Variants in TPX2 observed in about 807,000 individuals in gnomAD.
TPX2 encodes targeting protein for Xklp2.
In TPX2, 21 loss-of-function variants were observed where a neutral mutation model predicts 93.6. The observed-to-expected ratio is 0.22, with a 90% CI of 0.16 to 0.32. The LOEUF (loss-of-function observed/expected upper bound fraction) is 0.32, where lower values mean the gene tolerates loss of function less well. Ranked by LOEUF, TPX2 falls within the 10% of genes least tolerant of loss-of-function variation. The pLI is 1.00. For missense variants in TPX2, 776 were observed against 871.1 expected (o/e 0.89, Z 1.37); for synonymous variants, 281 against 298.3 (o/e 0.94, Z 0.60).
intron 5 of TPX2, among the ~76,000 whole-genome samples, chr20:31,768,467 A>C (rs1265283028): frequency 6.8e-6 from 1 of 146,174 alleles, no homozygotes; most frequent in South Asian, 2.2e-4. Flanking sequence ...GGATGGTCTC[A>C]ATCTCCTGAC....
At position 31,751,963 on chromosome 20, in the gene TPX2, G is replaced by A. The variant is rs561465597; in HGVS notation, c.-70-5444G>A. Among the ~76,000 whole-genome samples, 11 of 152,220 alleles carry A rather than the reference G, an allele frequency of 7.2e-5. No individual in the cohort carries two copies. In the South Asian group the frequency reaches 2.3e-3, roughly 32 times the overall value. The stretch of plus-strand genomic sequence containing the variant: ...TCACCATGTTGGTGAGGCTGGTCTC[G>A]AACTCCTGACCTCAGGTGATCCGCC... On this transcript the variant is annotated intron_variant, in intron 2 of 17. Transcript: ENST00000300403.
In TPX2 at chr20:31,801,098, G is replaced by A. The variant is rs776141843; in HGVS notation, c.*18G>A. The A allele has an allele frequency of 1.5e-5, 24 of 1,609,806 alleles. No individual in the cohort carries two copies. The highest frequency in any genetic ancestry group is 1.6e-4 in the Middle Eastern group (1 of 6,082). On this transcript the variant is annotated 3_prime_UTR_variant, in exon 18 of 18. Transcript: ENST00000300403. ...ACTGCTAAACTCAGCTGTGAGCTGCGGATACCGCCCGGCAATGGGACCTGC... is the reference window on the plus strand; with the variant it reads ...ACTGCTAAACTCAGCTGTGAGCTGCAGATACCGCCCGGCAATGGGACCTGC...
At position 31,760,239 on chromosome 20, in the gene TPX2, C is replaced by A; in HGVS notation, c.229+60C>A. Reference sequence around the variant, plus strand: ...GAATGGTGGGACAGTGTTTTAGAAGCCTGAGGTTCTGGGAAAATTACCTAA... The same window carrying A: ...GAATGGTGGGACAGTGTTTTAGAAGACTGAGGTTCTGGGAAAATTACCTAA... On this transcript the variant is annotated intron_variant, in intron 4 of 17. Coordinates refer to ENST00000300403, the MANE Select transcript of TPX2 (RefSeq NM_012112.5). The A allele has an allele frequency of 8.8e-6, 14 of 1,592,880 alleles. No homozygotes were observed. In the South Asian group the frequency reaches 1.6e-4, roughly 18 times the overall value.
Position 31,760,097 on chromosome 20 carries a change from T to A in TPX2, c.147T>A (p.Asn49Lys). The change falls in exon 4 of 18, where the codon AAT becomes AAA. Residue 49 changes from asparagine (N) to lysine (K), a missense_variant. Coordinates refer to ENST00000300403, the MANE Select transcript of TPX2 (RefSeq NM_012112.5). Reference sequence around the variant, plus strand: ...TGGAGAATAAGTTACTGGGGAAGAATGGAACTGGAGGGCTTTTTCAGGGCA... The same window carrying A: ...TGGAGAATAAGTTACTGGGGAAGAAAGGAACTGGAGGGCTTTTTCAGGGCA... ...ANLENKLLGKNGTGGLFQGKT... is the reference protein window; with the variant it reads ...ANLENKLLGKKGTGGLFQGKT... 1 of 1,613,922 alleles carries A rather than the reference T, an allele frequency of 6.2e-7. No individual in the cohort carries two copies. Among genetic ancestry groups the A allele is most frequent in the Non-Finnish European group, 8.5e-7 (1 of 1,179,956 alleles).
chr20:31,739,693 C>T (rs878999706), intron 1 of TPX2, 72 bp downstream of exon 1: 1 of 152,222 alleles, frequency 6.6e-6, no homozygotes, highest in Admixed American at 6.5e-5. Flanking sequence ...CCTGCATGCC[C>T]GTTCTCATTT....
chr20:31,782,058 C>T (rs1403933865), intron 10 of TPX2, among the ~76,000 whole-genome samples, 191 bp from the exon 11 acceptor site: 1 of 152,120 alleles, frequency 6.6e-6, no homozygotes, highest in African/African-American at 2.4e-5. Context: ...AGTCATACCC[C>T]TCAATAAAAG....
intron 17 of TPX2, 147 bp from the exon 18 acceptor site, chr20:31,800,823 C>T (rs1001130134): frequency 5.9e-6 from 4 of 679,072 alleles, no homozygotes; most frequent in Non-Finnish European, 1.0e-5. Context: ...ACCGTGTTGC[C>T]CCCCAGGCCC....
In TPX2 at chr20:31,797,544, C is replaced by T. The variant is rs374307380; in HGVS notation, c.1945+29C>T. On this transcript the variant is annotated intron_variant, in intron 16 of 17. Transcript: ENST00000300403. ...GTATTATATGTACTCTGATGGGACTCGGGCAGAATTGTCAGACTTCCCAGT... is the reference window on the plus strand; with the variant it reads ...GTATTATATGTACTCTGATGGGACTTGGGCAGAATTGTCAGACTTCCCAGT... The T allele has an allele frequency of 2.9e-5, 47 of 1,595,246 alleles. No individual in the cohort carries two copies. In the East Asian group the frequency reaches 4.5e-4, roughly 15 times the overall value.
intron 12 of TPX2, among the ~76,000 whole-genome samples, chr20:31,792,112 G>A (rs542931901): frequency 1.3e-5 from 2 of 152,298 alleles, no homozygotes; most frequent in Admixed American, 1.3e-4. Flanking sequence ...TATAAGGCTG[G>A]GTACAGTGGT....
chr20:31,797,652 C>A, intron 16 of TPX2, 137 bp downstream of exon 16: 1 of 754,512 alleles, frequency 1.3e-6, no homozygotes, highest in Non-Finnish European at 2.1e-6. Context: ...TTTTCTTCCC[C>A]TAGACCCAGT....
intron 4 of TPX2, among the ~76,000 whole-genome samples, chr20:31,760,842 G>A (rs2061885397): frequency 6.6e-6 from 1 of 152,124 alleles, no homozygotes. Context: ...TCGCTTCTCG[G>A]CCTTTTGGCT....
intron 2 of TPX2, among the ~76,000 whole-genome samples, chr20:31,746,475 C>G (rs1042338055): frequency 2.6e-5 from 4 of 152,158 alleles, no homozygotes; most frequent in Non-Finnish European, 4.4e-5. Flanking sequence ...TGGGATGGGA[C>G]CATCTTAACT....
chr20:31,766,795 C>CTTTTT (rs11299452), intron 5 of TPX2, 113 bp downstream of exon 5: 24 of 450,858 alleles, frequency 5.3e-5, no homozygotes, highest in African/African-American at 2.1e-4. Context: ...CTTTATGTTA[C>CTTTTT]TTTTTTTTTT....
chr20:31,793,455 T>TTGGGTTTGGCAATCCTATTC (rs2062115726), intron 13 of TPX2, among the ~76,000 whole-genome samples: 1 of 152,160 alleles, frequency 6.6e-6, no homozygotes, highest in African/African-American at 2.4e-5. Flanking sequence ...CCCAAACAAC[T>TTGGGTTTGGCAATCCTATTC]TGGGTTTGGC....
chr20:31,768,381 G>A (rs1461572982), intron 5 of TPX2, among the ~76,000 whole-genome samples: 4 of 149,898 alleles, frequency 2.7e-5, no homozygotes, highest in Non-Finnish European at 4.5e-5. Context: ...GACTACAGGC[G>A]CCCGCCACTA....
intron 16 of TPX2, 97 bp from the exon 17 acceptor site, chr20:31,798,268 G>C: frequency 7.0e-7 from 1 of 1,430,908 alleles, no homozygotes; most frequent in Non-Finnish European, 9.8e-7. Context: ...CAGTCTTCCT[G>C]TTAGTGTGCA....
At chr20:31,768,902 A>AT (rs1436821657) in intron 5 of TPX2, among the ~76,000 whole-genome samples, 3 of 152,000 alleles carry the variant, frequency 2.0e-5, no homozygotes, top group Non-Finnish European at 4.4e-5. Flanking sequence ...CAGCAATCTT[A>AT]TTTTTTTTAG....
chr20:31,776,432 A>C (rs2062000075), intron 8 of TPX2, among the ~76,000 whole-genome samples: 1 of 151,980 alleles, frequency 6.6e-6, no homozygotes, highest in African/African-American at 2.4e-5. Context: ...CTCATTTAGT[A>C]GTCAGCATAA....
Position 31,766,571 on chromosome 20 carries a change from A to G in TPX2, c.245A>G (p.Tyr82Cys), listed in dbSNP as rs533421508. The change falls in exon 5 of 18, where the codon TAC (tyrosine) becomes TGC (cysteine). Residue 82 changes from tyrosine to cysteine, a missense_variant. Physicochemically the swap from Tyr to Cys is radical, Grantham distance 194 (BLOSUM62 -2). This residue lies in a region of TPX2 where 279 missense variants were observed against 261.6 expected (regional missense o/e 1.07). Transcript: ENST00000300403. ...TPLKPVDNTY[Y>C]KEAEKENLVE... ...TCTTCCGCAGTTGACAACACTTACTACAAAGAGGCAGAAAAAGAAAATCTT... is the reference window on the plus strand; with the variant it reads ...TCTTCCGCAGTTGACAACACTTACTGCAAAGAGGCAGAAAAAGAAAATCTT... 1.2e-6 allele frequency: 2 copies of G among 1,613,150 alleles called. No individual in the cohort carries two copies. Among genetic ancestry groups the G allele is most frequent in the African/African-American group, 1.3e-5 (1 of 74,788 alleles).
Sources: allele counts gnomAD v4.1 joint callset (sites outside exome capture counted in the v4.1 genomes callset), GRCh38; gene constraint gnomAD v4.1.1; regional missense constraint gnomAD v4.1.1; transcripts MANE v1.5; gene names NCBI Gene and HGNC (gene_info 2026-07-23, HGNC 2026-07-21).